The following SZT2 variants were observed in gnomAD, a reference collection of about 807,000 sequenced individuals.
SZT2 encodes the protein KICSTOR complex protein SZT2.
Under a neutral mutation model 404.2 loss-of-function variants are expected in SZT2, and 216 were observed. The ratio of observed to expected loss-of-function variants is 0.53; its 90% CI spans 0.48 to 0.60. The LOEUF (loss-of-function observed/expected upper bound fraction) is 0.60, where lower values mean the gene tolerates loss of function less well. Ranked by LOEUF, SZT2 falls within the 20% of genes least tolerant of loss-of-function variation. The probability of loss-of-function intolerance (pLI) is 0.00; values close to 1 mark genes in which losing one functional copy is unlikely to be tolerated. For missense variants in SZT2, 3,857 were observed against 4,459.2 expected (o/e 0.86, Z 3.85); for synonymous variants, 1,693 against 1,749.9 (o/e 0.97, Z 0.81).
chr1:43,395,163 A>C (rs745374337), intron 1 of SZT2, among the ~76,000 whole-genome samples: 4 of 152,226 alleles, frequency 2.6e-5, no homozygotes, highest in Non-Finnish European at 5.9e-5. Flanking sequence ...AAGCTTTCTA[A>C]TAGTCTGTGC....
chr1:43,389,975 T>G lies in SZT2; in HGVS notation c.7T>G (p.Ser3Ala), dbSNP rs1484505234. 4 of 1,404,108 alleles carry G rather than the reference T, an allele frequency of 2.8e-6. No homozygotes were observed. The highest frequency in any genetic ancestry group is 3.7e-6 in the Non-Finnish European group (4 of 1,081,200). The allele number at this position is 1,404,108 out of a possible 1,614,324, so 87.0% of individuals were successfully genotyped here. A position where few individuals can be genotyped will look rare whatever the true frequency, so the allele number is the denominator to read the frequency against. The change falls in exon 1 of 72, where the codon TCG (serine) becomes GCG (alanine). Residue 3 changes from serine to alanine, a missense_variant. Coordinates refer to ENST00000634258, the MANE Select transcript of SZT2 (RefSeq NM_001365999.1). ...GGCGCGGGAGGGCTGTGTGATGGCC[T>G]CGGAGCGCCCGGAGCCGGAGGTGAG... MA[S>A]ERPEPEVEEA... is the part of the protein sequence containing the mutation.
chr1:43,451,685 G>C lies in SZT2; in HGVS notation c.*1205G>C, dbSNP rs764681130. On this transcript the variant is annotated 3_prime_UTR_variant, in exon 72 of 72. Transcript: ENST00000634258. ...GGAACTCCCGGATGTTTCCTGTCAG[G>C]TTCCCATCCATGATCTGCCAGTGGA... 8.1e-6 allele frequency: 13 copies of C among 1,614,192 alleles called. No homozygotes were observed. The highest frequency in any genetic ancestry group is 1.0e-5 in the Non-Finnish European group (12 of 1,180,024).
chr1:43,408,599 G>A (rs1219520200), intron 4 of SZT2, among the ~76,000 whole-genome samples: 2 of 151,998 alleles, frequency 1.3e-5, no homozygotes, highest in Non-Finnish European at 2.9e-5. Context: ...TTAACATATA[G>A]TATGGGCATT....
chr1:43,452,095 C>T lies in SZT2; in HGVS notation c.*1615C>T. 1 of 1,516,842 alleles carries T rather than the reference C, an allele frequency of 6.6e-7. No individual in the cohort carries two copies. Among genetic ancestry groups the T allele is most frequent in the Non-Finnish European group, 9.1e-7 (1 of 1,102,084 alleles). 94.0% of individuals were successfully genotyped at this position (1,516,842 alleles called of 1,614,324 possible). ...GTCAGTCACTGGTCAAGGCCCTCAC[C>T]TGTTCCTCTGACCTAGGCTGGCAGC... On this transcript the variant is annotated 3_prime_UTR_variant, in exon 72 of 72. Coordinates refer to ENST00000634258, the MANE Select transcript of SZT2 (RefSeq NM_001365999.1).
chr1:43,428,392 C>T lies in SZT2; in HGVS notation c.4072C>T (p.Pro1358Ser). The change falls in exon 28 of 72, where the codon CCA becomes TCA. Residue 1358 changes from proline (P) to serine (S), a missense_variant. By Grantham distance (74) the Pro-to-Ser change is moderately conservative. Around this residue, in one of 7 missense-constraint regions of SZT2, gnomAD observed 1,725 missense variants for 1,881.0 expected, o/e 0.92. Transcript: ENST00000634258. The part of the protein sequence containing the change: ...GHTWGLPHAP[P>S]SPGPLSPGPF... ...CACTTGGGGTTTGCCTCATGCACCC[C>T]CAAGTCCTGGTCCTCTCAGCCCTGG... is the stretch of plus-strand genomic sequence containing the variant. 6.2e-7 allele frequency: 1 copy of T among 1,614,162 alleles called. No homozygotes were observed. Among genetic ancestry groups the T allele is most frequent in the Non-Finnish European group, 8.5e-7 (1 of 1,180,024 alleles).
intron 4 of SZT2, among the ~76,000 whole-genome samples, chr1:43,407,798 T>G (rs839771): frequency 0.33 from 49,868 of 149,886 alleles, 9,038 homozygotes; most frequent in Middle Eastern, 0.45. Context: ...CAACAGTAGT[T>G]GTTTCTGGGT....
intron 7 of SZT2, among the ~76,000 whole-genome samples, chr1:43,417,686 C>T (rs1036123169): frequency 1.3e-4 from 20 of 152,154 alleles, no homozygotes; most frequent in Admixed American, 7.9e-4. Flanking sequence ...TAGCATTGTA[C>T]GTAATCACTT....
intron 5 of SZT2, 80 bp downstream of exon 5, chr1:43,415,293 C>A: frequency 3.3e-6 from 5 of 1,525,574 alleles, no homozygotes; most frequent in Admixed American, 3.8e-5. Flanking sequence ...AGGGATAGTC[C>A]AAATAGGGCA....
chr1:43,403,385 G>A (rs1468953899), intron 2 of SZT2, 83 bp downstream of exon 2: 3 of 1,535,274 alleles, frequency 2.0e-6, no homozygotes, highest in Admixed American at 4.1e-5. Flanking sequence ...CAGACAGGGT[G>A]GGAGACTAAC....
chr1:43,452,487 G>A lies in SZT2; in HGVS notation c.*2007G>A. 1.4e-6 allele frequency: 1 copy of A among 702,138 alleles called. No homozygotes were observed. 43.5% of individuals were successfully genotyped at this position (702,138 alleles called of 1,614,324 possible). A position where few individuals can be genotyped will look rare whatever the true frequency, so the allele number is the denominator to read the frequency against. The stretch of plus-strand genomic sequence containing the variant: ...CACTTTCAGAGACACTTCAGTGATG[G>A]CTGAGGGGCAAGCCCTTTCCCAGAC... On this transcript the variant is annotated 3_prime_UTR_variant, in exon 72 of 72. Transcript: ENST00000634258.
chr1:43,440,010 T>G lies in SZT2; in HGVS notation c.7172T>G (p.Leu2391Arg). 1 of 1,614,142 alleles carries G rather than the reference T, an allele frequency of 6.2e-7. No homozygotes were observed. The highest frequency in any genetic ancestry group is 8.5e-7 in the Non-Finnish European group (1 of 1,179,996). ...ALADAIIELQLLPASLCTEDT... is the reference protein window; with the variant it reads ...ALADAIIELQRLPASLCTEDT... ...GCCGATGCCATCATCGAGCTTCAGCTGCTGCCAGCTTCACTATGTACAGAG... is the reference window on the plus strand; with the variant it reads ...GCCGATGCCATCATCGAGCTTCAGCGGCTGCCAGCTTCACTATGTACAGAG... Residue 2391 changes from leucine (L) to arginine (R), a missense_variant, in exon 51 of 72, where the codon CTG (leucine) becomes CGG (arginine). By Grantham distance (102) the Leu-to-Arg change is moderately radical. Coordinates refer to ENST00000634258, the MANE Select transcript of SZT2 (RefSeq NM_001365999.1).
rs1656017205 is a variant in SZT2, at chr1:43,448,807, CA to C, written c.10086+82del. 5 of 1,339,394 alleles carry C rather than the reference CA, an allele frequency of 3.7e-6. No individual in the cohort carries two copies. The highest frequency in any genetic ancestry group is 2.4e-5 in the South Asian group (2 of 84,988). 83.0% of individuals were successfully genotyped at this position (1,339,394 alleles called of 1,614,324 possible). On this transcript the variant is annotated intron_variant, in intron 70 of 71. Transcript: ENST00000634258. The surrounding 1 kb of genome is among the most constrained non-coding windows in gnomAD (Gnocchi z 4.2). Reference sequence around the variant, plus strand: ...AAACAGATGTGCCCCTCAGCCTGACCAAACAAGCTCTGCTCTGGAGGGAGGC... The same window carrying C: ...AAACAGATGTGCCCCTCAGCCTGACCAACAAGCTCTGCTCTGGAGGGAGGC...
rs754469211 is a variant in SZT2 at position 43,447,888 on chromosome 1, G to C, written c.9480G>C (p.Gln3160His). 3 of 1,613,990 alleles carry C rather than the reference G, an allele frequency of 1.9e-6. No individual in the cohort carries two copies. The African/African-American group carries it at 4.0e-5, about 22-fold the overall frequency. ...TGGACTCTGAGGGACTTCGACACCA[G>C]GATGACTTTGATGTGTCTCTGCTTG... ...SYLDSEGLRH[Q>H]DDFDVSLLVC... Residue 3160 changes from glutamine to histidine, a missense_variant, in exon 68 of 72, where the codon CAG becomes CAC. Physicochemically the swap from Gln to His is conservative, Grantham distance 24 (BLOSUM62 0). Transcript: ENST00000634258.
At position 43,443,180 on chromosome 1, in the gene SZT2, A is replaced by G. The variant is rs1570721612; in HGVS notation, c.8420-8A>G. ...CCTGGGGCTACTACTAATGCCCTCA[A>G]CCCTCAGAGCTGGAGCGCCAGATGA... On this transcript the variant is annotated splice_region_variant and splice_polypyrimidine_tract_variant and intron_variant, in intron 59 of 71. Transcript: ENST00000634258. 1.9e-6 allele frequency: 3 copies of G among 1,614,110 alleles called. No homozygotes were observed. The highest frequency in any genetic ancestry group is 2.5e-6 in the Non-Finnish European group (3 of 1,180,006).
chr1:43,452,430 G>A lies in SZT2; in HGVS notation c.*1950G>A. On this transcript the variant is annotated 3_prime_UTR_variant, in exon 72 of 72. Coordinates refer to ENST00000634258, the MANE Select transcript of SZT2 (RefSeq NM_001365999.1). ...CCGTCTCCCCAGGTCTCCAGTCCAT[G>A]GCACCTGGGTCACGATGCCCAGGTA... 1.2e-6 allele frequency: 1 copy of A among 838,834 alleles called. No individual in the cohort carries two copies. The highest frequency in any genetic ancestry group is 2.0e-6 in the Non-Finnish European group (1 of 496,222). The allele number at this position is 838,834 out of a possible 1,614,324, so 52.0% of individuals were successfully genotyped here. A position where few individuals can be genotyped will look rare whatever the true frequency, so the allele number is the denominator to read the frequency against.
At chr1:43,393,638 T>C (rs776152686) in intron 1 of SZT2, among the ~76,000 whole-genome samples, 1 of 152,176 alleles carries the variant, frequency 6.6e-6, no homozygotes, top group Non-Finnish European at 1.5e-5. Context: ...TGGGAATGTG[T>C]TAACAAAAGA....
intron 28 of SZT2, 145 bp downstream of exon 28, chr1:43,428,631 TC>T (rs1346448495): frequency 8.7e-7 from 1 of 1,152,010 alleles, no homozygotes; most frequent in East Asian, 2.5e-5. Context: ...GCTCACGGAC[TC>T]CCATGCAGCC....
At position 43,439,662 on chromosome 1, in the gene SZT2, C is replaced by T. The variant is rs148946571; in HGVS notation, c.6935C>T (p.Ala2312Val). Residue 2312 changes from alanine (A) to valine (V), a missense_variant, in exon 50 of 72, where the codon GCG (alanine) becomes GTG (valine). Coordinates refer to ENST00000634258, the MANE Select transcript of SZT2 (RefSeq NM_001365999.1). The surrounding 1 kb of genome is among the most constrained non-coding windows in gnomAD (Gnocchi z 4.2). ...GAAGGAGGGGCCCCCTTGTCACTGG[C>T]GTTGTGGCCCCCCTCCTCTCCGGGG... ...VDEGGAPLSL[A>V]LWPPSSPGPP... The T allele has an allele frequency of 1.9e-5, 31 of 1,613,364 alleles. No homozygotes were observed. Among genetic ancestry groups the T allele is most frequent in the East Asian group, 1.8e-4 (8 of 44,888 alleles).
Position 43,453,449 on chromosome 1 carries a change from T to C in SZT2, c.*2969T>C. 1.3e-6 allele frequency: 2 copies of C among 1,564,528 alleles called. No homozygotes were observed. The highest frequency in any genetic ancestry group is 1.7e-6 in the Non-Finnish European group (2 of 1,153,380). On this transcript the variant is annotated 3_prime_UTR_variant, in exon 72 of 72. Coordinates refer to ENST00000634258, the MANE Select transcript of SZT2 (RefSeq NM_001365999.1). The stretch of plus-strand genomic sequence containing the variant: ...CTCCAGTCCCTCTCGGAAGGCCGCC[T>C]GTCTCCCGGGGACGGCCCCCAGCCC...
Sources: allele counts gnomAD v4.1 joint callset (sites outside exome capture counted in the v4.1 genomes callset), GRCh38; gene constraint gnomAD v4.1.1; regional missense constraint gnomAD v4.1.1; non-coding constraint Gnocchi (gnomAD v3.1); transcripts MANE v1.5; gene names NCBI Gene and HGNC (gene_info 2026-07-23, HGNC 2026-07-21).